Variants in ZFHX3 observed in about 807,000 individuals in gnomAD.
ZFHX3 encodes zinc finger homeobox 3.
A neutral mutation model predicts 279.1 loss-of-function variants in ZFHX3; 42 were observed. The observed-to-expected ratio is 0.15, with a 90% CI of 0.12 to 0.19. The LOEUF (loss-of-function observed/expected upper bound fraction) is 0.19, where lower values mean the gene tolerates loss of function less well. Ranked by LOEUF, ZFHX3 falls within the 10% of genes least tolerant of loss-of-function variation. ZFHX3 has a pLI of 1.00. For missense variants in ZFHX3, 4,981 were observed against 4,754.0 expected (o/e 1.05, Z -1.40); for synonymous variants, 2,293 against 1,957.8 (o/e 1.17, Z -4.52).
At chr16:73,735,143 C>T (rs1170867521) in intron 1 of ZFHX3, among the ~76,000 whole-genome samples, 2 of 152,058 alleles carry the variant, frequency 1.3e-5, no homozygotes, top group African/African-American at 4.8e-5. Context: ...GCCATCACCA[C>T]CACCCATGCA....
At chr16:73,155,448 A>C (rs540749198) in intron 5 of ZFHX3, among the ~76,000 whole-genome samples, 10 of 152,294 alleles carry the variant, frequency 6.6e-5, no homozygotes, top group African/African-American at 2.4e-4. Flanking sequence ...TCAGCTTTCC[A>C]TGGAAGTGGA....
intron 3 of ZFHX3, among the ~76,000 whole-genome samples, chr16:73,417,932 T>A (rs1390625756): frequency 1.5e-5 from 2 of 132,096 alleles, no homozygotes; most frequent in Non-Finnish European, 3.0e-5. Flanking sequence ...GAGCTTGCAG[T>A]GAGCTGAGAT....
chr16:73,168,237 T>TTCTTTCTA, intron 5 of ZFHX3, among the ~76,000 whole-genome samples: 2 of 143,658 alleles, frequency 1.4e-5, no homozygotes, highest in South Asian at 4.8e-4. Flanking sequence ...CTTTCTTTCT[T>TTCTTTCTA]TCTTTCTTTC....
intron 1 of ZFHX3, among the ~76,000 whole-genome samples, chr16:73,687,110 C>A (rs1212270443): frequency 3.6e-5 from 5 of 137,918 alleles, no homozygotes; most frequent in African/African-American, 1.1e-4. Flanking sequence ...ATTTCCAGGC[C>A]AGTTGCAGTG....
At chr16:73,064,498 G>A (rs1965722294), upstream of ZFHX3, among the ~76,000 whole-genome samples, 1 of 151,942 alleles carries the variant, frequency 6.6e-6, no homozygotes, top group Non-Finnish European at 1.5e-5. Flanking sequence ...GCAAGGGGGA[G>A]GGAACAAGCC....
chr16:73,153,647 T>TTTTTA (rs1555501382), intron 5 of ZFHX3, among the ~76,000 whole-genome samples: 2 of 152,072 alleles, frequency 1.3e-5, no homozygotes, highest in African/African-American at 2.4e-5. Context: ...AAGCACTCTT[T>TTTTTA]TTTTATTTTA....
chr16:73,378,972 A>C (rs2016773307), intron 3 of ZFHX3, among the ~76,000 whole-genome samples: 1 of 152,108 alleles, frequency 6.6e-6, no homozygotes. Flanking sequence ...AAAACTCTCA[A>C]GGAAGAAGAC....
intron 1 of ZFHX3, among the ~76,000 whole-genome samples, chr16:73,014,090 T>C (rs761106070): frequency 1.3e-5 from 2 of 151,992 alleles, no homozygotes; most frequent in Non-Finnish European, 2.9e-5. Flanking sequence ...AAGAAGGAGA[T>C]GTAACAGAAG....
intron 4 of ZFHX3, among the ~76,000 whole-genome samples, chr16:73,292,635 G>T (rs547652176): frequency 8.5e-4 from 130 of 152,234 alleles, no homozygotes; most frequent in African/African-American, 3.0e-3. Flanking sequence ...AAGAGAAATT[G>T]CCCAGCTCTT....
chr16:73,018,548 A>T (rs1292189258), intron 1 of ZFHX3, among the ~76,000 whole-genome samples: 1 of 152,134 alleles, frequency 6.6e-6, no homozygotes, highest in Admixed American at 6.5e-5. Flanking sequence ...GCAGTGAGCC[A>T]AAATCACACC....
chr16:73,032,170 G>A (rs1268200607), intron 1 of ZFHX3, among the ~76,000 whole-genome samples: 3 of 152,116 alleles, frequency 2.0e-5, no homozygotes, highest in African/African-American at 7.2e-5. Flanking sequence ...GGTGATGCAT[G>A]CCTACAGTCC....
At chr16:73,562,847 A>T (rs2020391798) in intron 2 of ZFHX3, among the ~76,000 whole-genome samples, 1 of 152,202 alleles carries the variant, frequency 6.6e-6, no homozygotes, top group Admixed American at 6.5e-5. Flanking sequence ...AAACCATGCT[A>T]TCAAGAATCT....
At chr16:72,816,847 AG>A (rs1567530774) in intron 5 of ZFHX3, among the ~76,000 whole-genome samples, 1 of 152,346 alleles carries the variant, frequency 6.6e-6, no homozygotes, top group South Asian at 2.1e-4. Flanking sequence ...TGGCTCCCTT[AG>A]GGGGAAAATC....
chr16:72,950,687 G>A lies in ZFHX3; in HGVS notation c.2998C>T (p.Gln1000Ter). Residue 1000 changes from glutamine to a stop codon, truncating the protein, a stop_gained, in exon 3 of 10, where the codon CAG becomes TAG. Transcript: ENST00000268489. LOFTEE classifies it high-confidence loss of function. ...RYNTQLKANFQLHCKTDKHVQ... is the reference protein window; with the variant it reads ...RYNTQLKANF ...TGCTTGTCTGTCTTGCAGTGCAGCT[G>A]GAAGTTGGCCTTGAGCTGGGTGTTG... is the stretch of plus-strand genomic sequence containing the variant. 6.2e-7 allele frequency: 1 copy of A among 1,614,228 alleles called. No homozygotes were observed. The highest frequency in any genetic ancestry group is 8.5e-7 in the Non-Finnish European group (1 of 1,180,040).
chr16:72,887,894 C>T (rs957413792), intron 4 of ZFHX3, among the ~76,000 whole-genome samples: 5 of 151,760 alleles, frequency 3.3e-5, no homozygotes, highest in Non-Finnish European at 7.4e-5. Flanking sequence ...CGTGCGAGAA[C>T]GTGTATGAGG....
chr16:72,840,796 T>G (rs1193490255), intron 4 of ZFHX3, among the ~76,000 whole-genome samples: 1 of 152,216 alleles, frequency 6.6e-6, no homozygotes, highest in Non-Finnish European at 1.5e-5. Context: ...GTCAATGAGC[T>G]TTGTTTTGCA....
intron 4 of ZFHX3, among the ~76,000 whole-genome samples, chr16:73,273,214 G>A (rs1362851984): frequency 6.6e-6 from 1 of 152,120 alleles, no homozygotes; most frequent in African/African-American, 2.4e-5. Flanking sequence ...AGTGCAGATA[G>A]CAATAAGACT....
chr16:73,352,470 CTCTCTTTTTTTTT>C (rs1056726389), intron 3 of ZFHX3, among the ~76,000 whole-genome samples: 3 of 124,392 alleles, frequency 2.4e-5, no homozygotes, highest in African/African-American at 1.2e-4. Flanking sequence ...CTCTCTCTCT[CTCTCTTTTTTTTT>C]TTTTTTTTTT....
At chr16:73,295,519 T>C (rs531005907) in intron 4 of ZFHX3, among the ~76,000 whole-genome samples, 1 of 152,378 alleles carries the variant, frequency 6.6e-6, no homozygotes, top group East Asian at 1.9e-4. Context: ...TTCAGCACAC[T>C]TTCTGAACAC....
Sources: gnomAD v4.1 joint callset for allele counts (sites outside exome capture counted in the v4.1 genomes callset) on GRCh38, gnomAD v4.1.1 for gene constraint, MANE v1.5 for transcripts, NCBI Gene and HGNC (gene_info 2026-07-23, HGNC 2026-07-21) for gene names.